The following IL21R variants were observed in gnomAD, a reference collection of about 807,000 sequenced individuals.
IL21R encodes interleukin 21 receptor, also known as interleukin-21 receptor.
In IL21R, 14 loss-of-function variants were observed where a neutral mutation model predicts 41.3. That is an observed-to-expected ratio of 0.34 (90% CI 0.22 to 0.53). IL21R has a LOEUF of 0.53. Among genes scored for constraint, IL21R ranks in the 20% least tolerant of loss-of-function variants. The probability of loss-of-function intolerance (pLI) is 0.94; values close to 1 mark genes in which losing one functional copy is unlikely to be tolerated. For synonymous variants in IL21R, 286 were observed against 287.6 expected (o/e 0.99, Z 0.05); for missense variants, 588 against 681.6 (o/e 0.86, Z 1.53).
intron 8 of IL21R, 63 bp downstream of exon 8, chr16:27,446,151 C>A: frequency 2.2e-6 from 3 of 1,380,902 alleles, no homozygotes; most frequent in Non-Finnish European, 2.0e-6. Context: ...AGCCCCACCT[C>A]CCCTCACCCC....
At chr16:27,417,532 T>G (rs1175340721) in intron 1 of IL21R, among the ~76,000 whole-genome samples, 3 of 152,230 alleles carry the variant, frequency 2.0e-5, no homozygotes, top group African/African-American at 7.2e-5. Context: ...ATACATTGCT[T>G]AATGACGAGG....
chr16:27,452,017 C>A lies in IL21R; in HGVS notation c.*2734C>A. 1 of 223,662 alleles carries A rather than the reference C, an allele frequency of 4.5e-6. No homozygotes were observed. 13.9% of individuals were successfully genotyped at this position (223,662 alleles called of 1,614,324 possible). A position where few individuals can be genotyped will look rare whatever the true frequency, so the allele number is the denominator to read the frequency against. On this transcript the variant is annotated 3_prime_UTR_variant, in exon 9 of 9. Transcript: ENST00000337929. ...TAGTCCCAGCCTGGCACATAGTAGGCACTCAATAAAGCCTGATTTGTAGCA... is the reference window on the plus strand; with the variant it reads ...TAGTCCCAGCCTGGCACATAGTAGGAACTCAATAAAGCCTGATTTGTAGCA...
intron 1 of IL21R, chr16:27,427,444 G>A (rs2141280238): frequency 2.1e-6 from 1 of 484,264 alleles, no homozygotes; most frequent in Non-Finnish European, 2.7e-6. Context: ...CATTCAGGCT[G>A]GAGTGCAATA....
intron 8 of IL21R, among the ~76,000 whole-genome samples, chr16:27,446,589 TAA>T (rs61289077): frequency 5.9e-4 from 85 of 144,998 alleles, no homozygotes; most frequent in African/African-American, 2.0e-3. Flanking sequence ...GACTATATCT[TAA>T]AAAAAAAAAA....
intron 4 of IL21R, among the ~76,000 whole-genome samples, chr16:27,441,967 G>C (rs1180480746): frequency 6.6e-6 from 1 of 152,094 alleles, no homozygotes; most frequent in Admixed American, 6.6e-5. Context: ...AGCTATGATC[G>C]CACCACTGCA....
At chr16:27,431,987 A>G (rs902974614) in intron 2 of IL21R, among the ~76,000 whole-genome samples, 1 of 152,182 alleles carries the variant, frequency 6.6e-6, no homozygotes, top group Non-Finnish European at 1.5e-5. Flanking sequence ...CAGAGGGGAC[A>G]CACGCTGCAT....
intron 1 of IL21R, among the ~76,000 whole-genome samples, chr16:27,416,240 G>A (rs186445172): frequency 3.1e-4 from 47 of 152,268 alleles, no homozygotes; most frequent in Non-Finnish European, 6.2e-4. Context: ...GGATTCAAGC[G>A]ATTCTCCTGC....
Position 27,444,670 on chromosome 16 carries a change from G to A in IL21R, c.636G>A (p.Gly212=), listed in dbSNP as rs1425339626. 7.7e-6 allele frequency: 12 copies of A among 1,565,020 alleles called. No homozygotes were observed. Among genetic ancestry groups the A allele is most frequent in the South Asian group, 4.8e-5 (4 of 83,784 alleles). ...CCATGCCTGGCTCCTCCTACCAGGG[G>A]ACCTGGAGTGAATGGAGTGACCCGG... The part of the protein sequence containing the change: ...AGPMPGSSYQ[G]TWSEWSDPVI... The change falls in exon 6 of 9, where the codon GGG becomes GGA. Residue 212 remains glycine, a synonymous_variant. Transcript: ENST00000337929.
At chr16:27,431,382 C>T (rs1039131262) in intron 2 of IL21R, among the ~76,000 whole-genome samples, 5 of 152,144 alleles carry the variant, frequency 3.3e-5, no homozygotes, top group Non-Finnish European at 5.9e-5. Flanking sequence ...CCAACAGCCC[C>T]ACAAGGCGCA....
intron 8 of IL21R, among the ~76,000 whole-genome samples, chr16:27,447,394 G>A (rs559588985): frequency 2.0e-4 from 30 of 152,078 alleles, no homozygotes; most frequent in East Asian, 3.9e-4. Flanking sequence ...GCTGAGAAGC[G>A]ACTTTGAATC....
intron 6 of IL21R, 70 bp from the exon 7 acceptor site, chr16:27,445,107 C>G: frequency 2.7e-6 from 3 of 1,118,012 alleles, no homozygotes; most frequent in Non-Finnish European, 4.1e-6. Flanking sequence ...ACCCATTTCC[C>G]ACCATGCCCA....
intron 5 of IL21R, 146 bp downstream of exon 5, chr16:27,443,262 G>A: frequency 1.6e-6 from 1 of 629,348 alleles, no homozygotes; most frequent in Non-Finnish European, 2.6e-6. Flanking sequence ...CTTACAGCGG[G>A]CCCTCCTCCT....
chr16:27,406,788 C>G (rs1161494274), intron 1 of IL21R, among the ~76,000 whole-genome samples: 1 of 152,204 alleles, frequency 6.6e-6, no homozygotes, highest in Non-Finnish European at 1.5e-5. Context: ...CCTGCTGCCC[C>G]CATTCCACAG....
At chr16:27,442,055 G>T (rs1004148204) in intron 4 of IL21R, among the ~76,000 whole-genome samples, 3 of 152,146 alleles carry the variant, frequency 2.0e-5, no homozygotes, top group African/African-American at 7.2e-5. Context: ...TAATTCCAGG[G>T]GTCTCCCGTT....
chr16:27,434,520 G>T, intron 3 of IL21R, 71 bp downstream of exon 3: 1 of 964,022 alleles, frequency 1.0e-6, no homozygotes, highest in South Asian at 1.4e-5. Context: ...CCCCCAGGAG[G>T]ACACTGTGCA....
intron 4 of IL21R, among the ~76,000 whole-genome samples, chr16:27,438,763 G>A (rs751410304): frequency 6.6e-6 from 1 of 152,172 alleles, no homozygotes; most frequent in African/African-American, 2.4e-5. Flanking sequence ...CCGGCTACTC[G>A]GGAGGCTGAG....
chr16:27,430,313 C>T (rs914156521), intron 2 of IL21R, among the ~76,000 whole-genome samples, 193 bp downstream of exon 2: 1 of 152,226 alleles, frequency 6.6e-6, no homozygotes. Context: ...CACCAAAGGG[C>T]TCCATGAAAC....
intron 1 of IL21R, among the ~76,000 whole-genome samples, chr16:27,428,778 GT>G (rs2087119361): frequency 6.6e-6 from 1 of 152,330 alleles, no homozygotes; most frequent in South Asian, 2.1e-4. Context: ...TCTCTGTTTG[GT>G]CAGGCCTGGA....
rs992530520 is a variant in IL21R, at chr16:27,451,912, G to A, written c.*2629G>A. 2 of 230,132 alleles carry A rather than the reference G, an allele frequency of 8.7e-6. No homozygotes were observed. The highest frequency in any genetic ancestry group is 1.1e-4 in the Admixed American group (2 of 17,674). 14.3% of individuals were successfully genotyped at this position (230,132 alleles called of 1,614,324 possible). A position where few individuals can be genotyped will look rare whatever the true frequency, so the allele number is the denominator to read the frequency against. ...AAGAATGATTGGTTGGATAGACAGAGATAAATGCATACTGGAAACAAAGAT... is the reference window on the plus strand; with the variant it reads ...AAGAATGATTGGTTGGATAGACAGAAATAAATGCATACTGGAAACAAAGAT... On this transcript the variant is annotated 3_prime_UTR_variant, in exon 9 of 9. Coordinates refer to ENST00000337929, the MANE Select transcript of IL21R (RefSeq NM_181078.3).
Sources: gnomAD v4.1 joint callset for allele counts (sites outside exome capture counted in the v4.1 genomes callset) on GRCh38, gnomAD v4.1.1 for gene constraint, MANE v1.5 for transcripts, NCBI Gene and HGNC (gene_info 2026-07-23, HGNC 2026-07-21) for gene names.